Variants in MAPK10 observed in about 807,000 individuals in gnomAD.
MAPK10 encodes the protein JNK3 alpha protein kinase.
MAPK10 carries 25 observed loss-of-function variants against 59.3 expected under a neutral mutation model. The observed-to-expected ratio is 0.42, with a 90% confidence interval of 0.31 to 0.59. The LOEUF (loss-of-function observed/expected upper bound fraction) is 0.59. Ranked by LOEUF, MAPK10 falls within the 20% of genes least tolerant of loss-of-function variation. The pLI is 0.15. For synonymous variants in MAPK10, 190 were observed against 200.5 expected, an observed-to-expected ratio of 0.95 and a Z score of 0.44; for missense variants, 351 against 568.9, an observed-to-expected ratio of 0.62 and a Z score of 3.90.
rs145655163 is a variant in MAPK10 at position 86,463,828 on chromosome 4, T to C, written c.-262-109184A>G. 1.6e-3 allele frequency among the ~76,000 whole-genome samples: 248 copies of C among 152,320 alleles called. 4 individuals are homozygous for C. Among genetic ancestry groups the C allele is most frequent in the African/African-American group, 5.6e-3 (231 of 41,570 alleles). ...TTAACAAAAGAAGCTCAGGCAGAGC[T>C]GCAGCTAATCAAAAAGCAAGTCCAT... On this transcript the variant is annotated intron_variant, in intron 1 of 4. Transcript: ENST00000502302.
At chr4:86,019,165 A>G (rs1744959445) in intron 13 of MAPK10, among the ~76,000 whole-genome samples, 4 of 152,236 alleles carry the variant, frequency 2.6e-5, no homozygotes, top group Admixed American at 2.6e-4. Flanking sequence ...CTTCAAATAA[A>G]CGGTAAGAAC....
At chr4:86,377,690 T>G (rs1390962787) in intron 1 of MAPK10, among the ~76,000 whole-genome samples, 2 of 152,162 alleles carry the variant, frequency 1.3e-5, no homozygotes, top group African/African-American at 4.8e-5. Flanking sequence ...GAATAAACAT[T>G]TTTAAGTCTC....
intron 1 of MAPK10, among the ~76,000 whole-genome samples, chr4:86,572,497 T>G (rs549452300): frequency 6.6e-6 from 1 of 152,300 alleles, no homozygotes; most frequent in African/African-American, 2.4e-5. Context: ...TCTGTGTTCA[T>G]GGGGTATCTC....
chr4:86,356,349 G>T (rs992211692), intron 1 of MAPK10: 1 of 167,594 alleles, frequency 6.0e-6, no homozygotes, highest in Non-Finnish European at 1.2e-5. Flanking sequence ...ATAGTGGCTT[G>T]ATATGGATCC....
chr4:86,129,831 A>G (rs2060692611), intron 4 of MAPK10, among the ~76,000 whole-genome samples: 2 of 152,164 alleles, frequency 1.3e-5, no homozygotes, highest in Admixed American at 1.3e-4. Flanking sequence ...AATAAGCTCA[A>G]AAATAGAAAA....
chr4:86,347,211 T>A (rs1728756336), intron 2 of MAPK10, among the ~76,000 whole-genome samples: 2 of 152,188 alleles, frequency 1.3e-5, no homozygotes, highest in Non-Finnish European at 2.9e-5. Flanking sequence ...ATACACTAAA[T>A]TTTTCAAGTC....
At chr4:86,096,280 T>TA (rs1199303850) in intron 9 of MAPK10, among the ~76,000 whole-genome samples, 3 of 151,754 alleles carry the variant, frequency 2.0e-5, no homozygotes, top group Non-Finnish European at 4.4e-5. Context: ...AAACTAGGAT[T>TA]AAAAAAGGTG....
intron 4 of MAPK10, chr4:86,120,041 G>C (rs923926956): frequency 4.6e-5 from 7 of 152,204 alleles, no homozygotes; most frequent in African/African-American, 1.7e-4. Context: ...CCATCTCAAA[G>C]TGTACCTTCT....
At chr4:86,409,875 T>C (rs1223409403) in intron 1 of MAPK10, among the ~76,000 whole-genome samples, 1 of 152,216 alleles carries the variant, frequency 6.6e-6, no homozygotes, top group Non-Finnish European at 1.5e-5. Flanking sequence ...TCTCTTTTCC[T>C]AATTGAATAC....
At chr4:86,292,377 A>C (rs1254523593) in intron 2 of MAPK10, among the ~76,000 whole-genome samples, 1 of 152,156 alleles carries the variant, frequency 6.6e-6, no homozygotes, top group East Asian at 1.9e-4. Context: ...GGAAGAAAAA[A>C]CATTTGGGTA....
chr4:86,541,335 A>G (rs1175194417), intron 1 of MAPK10, among the ~76,000 whole-genome samples: 2 of 152,164 alleles, frequency 1.3e-5, no homozygotes, highest in Non-Finnish European at 2.9e-5. Context: ...CAGTGTCCAG[A>G]ACAAACCCAT....
chr4:86,108,923 A>G (rs1388712062), intron 4 of MAPK10, among the ~76,000 whole-genome samples: 1 of 152,182 alleles, frequency 6.6e-6, no homozygotes, highest in African/African-American at 2.4e-5. Context: ...CTTAAATTAA[A>G]TATTACCAGT....
rs373751964 is a variant in MAPK10 at position 86,159,291 on chromosome 4, C to T, written c.236+7G>A. 71 of 1,589,288 alleles carry T rather than the reference C, an allele frequency of 4.5e-5. No homozygotes were observed. The Middle Eastern group carries it at 1.3e-3, about 30-fold the overall frequency. ...CTTTAAAAATACAGCAAATCCATTC[C>T]GCTTACCAAACTATGCCCTGAGCCC... On this transcript the variant is annotated splice_region_variant and intron_variant, in intron 4 of 13. Coordinates refer to ENST00000641462, the MANE Select transcript of MAPK10 (RefSeq NM_138982.4).
At position 86,278,108 on chromosome 4, in the gene MAPK10, G is replaced by T. The variant is rs1009360959; in HGVS notation, c.-7+76422C>A. Among the ~76,000 whole-genome samples the T allele has an allele frequency of 7.9e-5, 12 of 151,988 alleles. 1 individual carries two copies. The highest frequency in any genetic ancestry group is 7.2e-4 in the Admixed American group (11 of 15,246). On this transcript the variant is annotated intron_variant, in intron 2 of 13. Transcript: ENST00000641462. The stretch of plus-strand genomic sequence containing the variant: ...ATACTTTGTCTACATCACTATTTTG[G>T]CATGTTTTACTCATATCAAAAGACA...
At chr4:86,346,180 GGAT>G (rs1356933929) in intron 2 of MAPK10, among the ~76,000 whole-genome samples, 1 of 152,164 alleles carries the variant, frequency 6.6e-6, no homozygotes, top group Non-Finnish European at 1.5e-5. Context: ...GTTGGCAACA[GGAT>G]AGTAGGATAG....
At chr4:86,256,721 C>A (rs979455705) in intron 2 of MAPK10, among the ~76,000 whole-genome samples, 10 of 114,548 alleles carry the variant, frequency 8.7e-5, no homozygotes, top group Non-Finnish European at 1.6e-4. Flanking sequence ...CCATTTTTTT[C>A]TTTTCTTTCT....
chr4:86,085,159 G>A (rs2149037970), intron 9 of MAPK10, among the ~76,000 whole-genome samples: 1 of 152,228 alleles, frequency 6.6e-6, no homozygotes, highest in Non-Finnish European at 1.5e-5. Context: ...AGAAATCACT[G>A]GGGAAATTTT....
At chr4:86,305,744 G>A (rs1425532563) in intron 2 of MAPK10, among the ~76,000 whole-genome samples, 2 of 150,118 alleles carry the variant, frequency 1.3e-5, no homozygotes, top group South Asian at 4.3e-4. Flanking sequence ...ACTTGAACCC[G>A]GGAGGCGGAG....
intron 1 of MAPK10, among the ~76,000 whole-genome samples, chr4:86,493,071 CT>C (rs1754597881): frequency 1.3e-5 from 2 of 152,204 alleles, no homozygotes; most frequent in African/African-American, 4.8e-5. Flanking sequence ...CATTCATAGA[CT>C]GCTGAATGTT....
Sources: gnomAD v4.1 joint callset for allele counts (sites outside exome capture counted in the v4.1 genomes callset) on GRCh38, gnomAD v4.1.1 for gene constraint, MANE v1.5 for transcripts, NCBI Gene and HGNC (gene_info 2026-07-23, HGNC 2026-07-21) for gene names.